ANO2: variants seen among roughly 807,000 people sequenced by gnomAD.
ANO2 encodes the protein anoctamin 2, also known as anoctamin-2.
ANO2 carries 101 observed loss-of-function variants against 124.2 expected under a neutral mutation model. The ratio of observed to expected loss-of-function variants is 0.81; its 90% confidence interval spans 0.69 to 0.96. ANO2 has a LOEUF of 0.96. Ranked by LOEUF, ANO2 falls within the 40% of genes least tolerant of loss-of-function variation. The pLI is 0.00. For synonymous variants in ANO2, 486 were observed against 482.5 expected, an observed-to-expected ratio of 1.01 and a Z score of -0.09; for missense variants, 1,293 against 1,274.5, an observed-to-expected ratio of 1.01 and a Z score of -0.22.
At chr12:5,894,695 A>G (rs563449817) in intron 3 of ANO2, among the ~76,000 whole-genome samples, 4 of 152,316 alleles carry the variant, frequency 2.6e-5, no homozygotes, top group Non-Finnish European at 5.9e-5. Context: ...ATCCAGTTTC[A>G]GTTTTCTGCA....
chr12:5,771,275 G>C (rs1314965474), intron 10 of ANO2, among the ~76,000 whole-genome samples: 3 of 152,178 alleles, frequency 2.0e-5, no homozygotes, highest in African/African-American at 7.2e-5. Context: ...GCACAGCTCA[G>C]AGAGATTGAG....
chr12:5,812,579 AAG>A (rs796494043), intron 7 of ANO2, among the ~76,000 whole-genome samples: 1 of 15,976 alleles, frequency 6.3e-5, no homozygotes, highest in African/African-American at 2.4e-4. Flanking sequence ...GAAAAAAAGA[AAG>A]AGAAAGAAAG....
At chr12:5,766,777 G>A (rs543631306) in intron 10 of ANO2, among the ~76,000 whole-genome samples, 1 of 152,298 alleles carries the variant, frequency 6.6e-6, no homozygotes, top group East Asian at 1.9e-4. Flanking sequence ...TCTGCTCTCA[G>A]GCCAGACTAC....
chr12:5,605,044 C>A (rs561496925), intron 19 of ANO2, among the ~76,000 whole-genome samples: 183 of 152,216 alleles, frequency 1.2e-3, no homozygotes, highest in Admixed American at 2.3e-3. Context: ...GTCCATCACA[C>A]CTTGGGCCTC....
In ANO2 at chr12:5,563,497, C is replaced by T; in HGVS notation, c.2799G>A (p.Gln933=). The T allele has an allele frequency of 1.2e-6, 2 of 1,614,012 alleles. No individual in the cohort carries two copies. Among genetic ancestry groups the T allele is most frequent in the East Asian group, 2.2e-5 (1 of 44,874 alleles). The stretch of plus-strand genomic sequence containing the variant: ...CTAATAAGCTCTTCTCTTTCTTGAT[C>T]TGGTCGCTGATGTCCGTGGGGATGT... ...IPDIPTDISD[Q]IKKEKSLLVD... Residue 933 remains glutamine (Q), a synonymous_variant, in exon 25 of 25, where the codon CAG becomes CAA. Coordinates refer to ENST00000682330, the MANE Select transcript of ANO2 (RefSeq NM_001364791.2).
intron 14 of ANO2, among the ~76,000 whole-genome samples, chr12:5,701,143 G>C (rs544032578): frequency 7.2e-6 from 1 of 138,674 alleles, no homozygotes; most frequent in South Asian, 2.3e-4. Flanking sequence ...GCCCGGGCAG[G>C]GTGACCAGGA....
intron 14 of ANO2, among the ~76,000 whole-genome samples, chr12:5,721,914 G>C (rs1191783129): frequency 2.0e-5 from 3 of 152,180 alleles, no homozygotes; most frequent in Non-Finnish European, 4.4e-5. Context: ...ATACTTAACA[G>C]TTCCATGTGT....
At chr12:5,824,111 G>C (rs57032837) in intron 7 of ANO2, among the ~76,000 whole-genome samples, 1,539 of 152,286 alleles carry the variant, frequency 0.01, 31 homozygotes, top group African/African-American at 0.036. Context: ...TCTGTGATGG[G>C]AGAAGCTGCT....
intron 3 of ANO2, among the ~76,000 whole-genome samples, chr12:5,867,778 G>GAAA (rs10622876): frequency 0.026 from 2,039 of 78,434 alleles, 98 homozygotes; most frequent in African/African-American, 0.049. Context: ...GCACTATAAT[G>GAAA]AAAAAAAAAA....
chr12:5,933,680 C>T (rs558323036), intron 1 of ANO2, among the ~76,000 whole-genome samples: 4 of 152,358 alleles, frequency 2.6e-5, no homozygotes, highest in South Asian at 2.1e-4. Context: ...AAGACTTACA[C>T]AGCTGACTGT....
intron 1 of ANO2, among the ~76,000 whole-genome samples, chr12:5,940,483 C>T (rs1245176209): frequency 2.0e-5 from 3 of 152,206 alleles, no homozygotes; most frequent in Admixed American, 1.3e-4. Flanking sequence ...GAAGCCTAAG[C>T]ATGCTTGGGG....
At chr12:5,944,597 G>A (rs1490820350) in intron 1 of ANO2, among the ~76,000 whole-genome samples, 4 of 152,108 alleles carry the variant, frequency 2.6e-5, no homozygotes, top group African/African-American at 4.8e-5. Context: ...ACCTCAATTT[G>A]CTTTTCTTCT....
At chr12:5,717,600 C>T (rs1041210417) in intron 14 of ANO2, among the ~76,000 whole-genome samples, 2 of 152,194 alleles carry the variant, frequency 1.3e-5, no homozygotes, top group African/African-American at 4.8e-5. Flanking sequence ...AGCACCCAAT[C>T]CTCTTGCCTC....
intron 10 of ANO2, among the ~76,000 whole-genome samples, chr12:5,791,864 A>C (rs1309818631): frequency 6.6e-6 from 1 of 152,248 alleles, no homozygotes; most frequent in African/African-American, 2.4e-5. Context: ...ATGAAATTCC[A>C]CCACTTTAAT....
chr12:5,720,211 G>C (rs1950170989), intron 14 of ANO2, among the ~76,000 whole-genome samples: 1 of 152,144 alleles, frequency 6.6e-6, no homozygotes, highest in African/African-American at 2.4e-5. Context: ...GAAGCGCATA[G>C]TCTCAAAGCC....
Position 5,744,219 on chromosome 12 carries a change from T to A in ANO2, c.1289A>T (p.Gln430Leu), listed in dbSNP as rs1226144890. Residue 430 changes from glutamine (Q) to leucine (L), a missense_variant, in exon 12 of 25, where the codon CAG becomes CTG. Transcript: ENST00000682330. ...WNLSSACGTA[Q>L]ASHLFDNPAT... ...AGGGTTGTCAAACAGGTGGCTGGCC[T>A]GCGCGGTCCCACAGGCTGAGCTGAG... 7 of 1,612,760 alleles carry A rather than the reference T, an allele frequency of 4.3e-6. No individual in the cohort carries two copies. The highest frequency in any genetic ancestry group is 5.1e-6 in the Non-Finnish European group (6 of 1,179,868).
At chr12:5,666,358 C>A (rs182214583) in intron 14 of ANO2, among the ~76,000 whole-genome samples, 2 of 152,108 alleles carry the variant, frequency 1.3e-5, no homozygotes, top group Non-Finnish European at 2.9e-5. Flanking sequence ...AGGGAAGGAA[C>A]GAGAGCCTCA....
chr12:5,584,704 G>A (rs1283498801), intron 20 of ANO2, among the ~76,000 whole-genome samples: 1 of 152,178 alleles, frequency 6.6e-6, no homozygotes, highest in Non-Finnish European at 1.5e-5. Context: ...GGCTGACAAC[G>A]TCTGGCATAA....
chr12:5,885,573 A>G (rs1938831175), intron 3 of ANO2, among the ~76,000 whole-genome samples: 2 of 152,226 alleles, frequency 1.3e-5, no homozygotes, highest in Non-Finnish European at 2.9e-5. Context: ...TTTAAAGATG[A>G]AAAAAGAGTG....
Sources: allele counts gnomAD v4.1 joint callset (sites outside exome capture counted in the v4.1 genomes callset), GRCh38; gene constraint gnomAD v4.1.1; transcripts MANE v1.5; gene names NCBI Gene and HGNC (gene_info 2026-07-23, HGNC 2026-07-21).